PFKFB1: variants seen among roughly 807,000 people sequenced by gnomAD.
PFKFB1 encodes 6-phosphofructo-2-kinase/fructose-2,6-biphosphatase 1, also known as 6-phosphofructo-2-kinase/fructose-2,6-bisphosphatase 1.
A neutral mutation model predicts 46.4 loss-of-function variants in PFKFB1; 34 were observed. The ratio of observed to expected loss-of-function variants is 0.73; its 90% CI spans 0.56 to 0.98. PFKFB1 has a LOEUF of 0.98. PFKFB1 is among the 50% of genes least tolerant of loss of function. The pLI is 0.00. For missense variants in PFKFB1, 393 were observed against 376.3 expected (o/e 1.04, Z -0.37); for synonymous variants, 119 against 133.8 (o/e 0.89, Z 0.76).
At chrX:54,967,033 G>T (rs1374821164) in intron 1 of PFKFB1, among the ~76,000 whole-genome samples, 1 of 111,209 alleles carries the variant, frequency 9.0e-6, no homozygotes, top group African/African-American at 3.3e-5. Flanking sequence ...ACACATGCAG[G>T]ACAGACCTAT....
chrX:54,935,741 C>T (rs1439591958), intron 11 of PFKFB1, among the ~76,000 whole-genome samples: 2 of 111,561 alleles, frequency 1.8e-5, no homozygotes, highest in African/African-American at 3.3e-5. Context: ...GGCCAGAATG[C>T]ATGCACTGGC....
At chrX:54,962,238 C>T (rs1934336307) in intron 2 of PFKFB1, among the ~76,000 whole-genome samples, 1 of 111,819 alleles carries the variant, frequency 8.9e-6, no homozygotes, top group African/African-American at 3.3e-5. Context: ...AGCTTGCAGT[C>T]CTCCATGAGA....
intron 1 of PFKFB1, among the ~76,000 whole-genome samples, chrX:54,972,054 A>G (rs1455901157): frequency 9.0e-6 from 1 of 110,946 alleles, no homozygotes; most frequent in African/African-American, 3.3e-5. Flanking sequence ...AGTCCTTCAC[A>G]TCCCTTGTAA....
intron 1 of PFKFB1, among the ~76,000 whole-genome samples, chrX:54,973,632 C>G (rs997057560): frequency 2.5e-4 from 28 of 111,366 alleles, no homozygotes; most frequent in Admixed American, 8.6e-4. Context: ...TGTTCAGTTT[C>G]CATGTAGGTG....
chrX:54,988,180 A>G (rs1296588346), intron 1 of PFKFB1, among the ~76,000 whole-genome samples: 1 of 111,824 alleles, frequency 8.9e-6, no homozygotes, highest in Non-Finnish European at 1.9e-5. Flanking sequence ...AAAATCAATT[A>G]CATTTCTATA....
At chrX:54,989,970 G>C (rs1935200264) in intron 1 of PFKFB1, among the ~76,000 whole-genome samples, 1 of 111,483 alleles carries the variant, frequency 9.0e-6, no homozygotes, top group African/African-American at 3.3e-5. Flanking sequence ...AAATGGACTA[G>C]AAATATTCTG....
intron 13 of PFKFB1, 139 bp downstream of exon 13, chrX:54,933,682 A>G (rs1933295001): frequency 1.8e-6 from 1 of 548,520 alleles, no homozygotes; most frequent in African/African-American, 2.3e-5. Context: ...TGGTTTCTGC[A>G]TTTCTGGGTG....
intron 1 of PFKFB1, among the ~76,000 whole-genome samples, chrX:54,985,092 A>G (rs1935082911): frequency 1.8e-5 from 2 of 111,052 alleles, no homozygotes; most frequent in South Asian, 7.6e-4. Context: ...AACATAGTAC[A>G]AAGAAGCTCA....
rs192384526 is a variant in PFKFB1 at position 54,974,898 on chromosome X, A to G, written c.98-11516T>C. On this transcript the variant is annotated intron_variant, in intron 1 of 13. Coordinates refer to ENST00000375006, the MANE Select transcript of PFKFB1 (RefSeq NM_002625.4). Reference sequence around the variant, plus strand: ...TCAGGGAAATGCAAATTAAAACCACAATGAGATACCACCTTACTCCTGCAA... The same window carrying G: ...TCAGGGAAATGCAAATTAAAACCACGATGAGATACCACCTTACTCCTGCAA... 4.5e-3 allele frequency among the ~76,000 whole-genome samples: 497 copies of G among 111,671 alleles called. 11 individuals carry two copies. The highest frequency in any genetic ancestry group is 5.3e-3 in the Admixed American group (56 of 10,489).
chrX:54,961,881 A>G (rs1328435259), intron 2 of PFKFB1, among the ~76,000 whole-genome samples: 2 of 111,725 alleles, frequency 1.8e-5, no homozygotes, highest in Non-Finnish European at 1.9e-5. Flanking sequence ...CATTCCAGGT[A>G]GAGGAACAGC....
chrX:54,952,213 C>T (rs948057563), intron 7 of PFKFB1, 101 bp from the exon 8 acceptor site: 65 of 601,345 alleles, frequency 1.1e-4, no homozygotes, highest in Non-Finnish European at 1.5e-4. Flanking sequence ...CAAACCTCTT[C>T]CACAACCCAG....
chrX:54,996,434 G>C (rs1935357846), upstream of PFKFB1, among the ~76,000 whole-genome samples: 1 of 112,192 alleles, frequency 8.9e-6, no homozygotes. Flanking sequence ...TTACAATTTT[G>C]TCCTCATGGC....
At position 54,960,812 on chromosome X, in the gene PFKFB1, T is replaced by C. The variant is rs762369103; in HGVS notation, c.317+12A>G. On this transcript the variant is annotated intron_variant, in intron 3 of 13. Coordinates refer to ENST00000375006, the MANE Select transcript of PFKFB1 (RefSeq NM_002625.4). ...TGAGACAGCACAGGTTCCTAAAATA[T>C]TGGGTACTTACTTCCTGATTTGCAG... 5.4e-6 allele frequency: 6 copies of C among 1,114,621 alleles called. No individual in the cohort carries two copies. In the Admixed American group the frequency reaches 1.3e-4, roughly 25 times the overall value. The allele number at this position is 1,114,621 out of a possible 1,213,427, so 91.9% of individuals were successfully genotyped here.
intron 8 of PFKFB1, among the ~76,000 whole-genome samples, chrX:54,951,665 G>A (rs1280058049): frequency 8.9e-6 from 1 of 112,590 alleles, no homozygotes; most frequent in East Asian, 2.8e-4. Context: ...GCTGGCTTTG[G>A]GCAGGCCTTG....
chrX:54,962,427 C>T (rs1355060734), intron 2 of PFKFB1, among the ~76,000 whole-genome samples: 2 of 112,307 alleles, frequency 1.8e-5, no homozygotes, highest in Non-Finnish European at 3.8e-5. Context: ...TCTTATACAT[C>T]CCAGCTAGAC....
At chrX:54,970,053 C>A (rs1001138906) in intron 1 of PFKFB1, among the ~76,000 whole-genome samples, 1 of 111,070 alleles carries the variant, frequency 9.0e-6, no homozygotes, top group Non-Finnish European at 1.9e-5. Flanking sequence ...GGATTACAGG[C>A]ATGTGCCACC....
intron 7 of PFKFB1, 35 bp from the exon 8 acceptor site, chrX:54,952,147 A>C: frequency 3.6e-6 from 4 of 1,101,531 alleles, no homozygotes; most frequent in Non-Finnish European, 5.0e-6. Flanking sequence ...AGGGCAGCTC[A>C]GGGGCTAATG....
chrX:54,948,999 G>C lies in PFKFB1; in HGVS notation c.993+76C>G. The C allele has an allele frequency of 5.4e-6, 6 of 1,117,744 alleles. No homozygotes were observed. The East Asian group carries it at 1.5e-4, about 28-fold the overall frequency. The allele number at this position is 1,117,744 out of a possible 1,213,427, so 92.1% of individuals were successfully genotyped here. A position where few individuals can be genotyped will look rare whatever the true frequency, so the allele number is the denominator to read the frequency against. On this transcript the variant is annotated intron_variant, in intron 9 of 13. Transcript: ENST00000375006. ...TTAATTAGGCTCCCCATAGGGGCTGGAGCAGAGGCAACCCAGGGGATAATC... is the reference window on the plus strand; with the variant it reads ...TTAATTAGGCTCCCCATAGGGGCTGCAGCAGAGGCAACCCAGGGGATAATC...
intron 10 of PFKFB1, 62 bp from the exon 11 acceptor site, chrX:54,937,786 AG>A: frequency 9.5e-7 from 1 of 1,052,825 alleles, no homozygotes; most frequent in Non-Finnish European, 1.3e-6. Context: ...CCAGAGGGGA[AG>A]AACTCTAAAC....
Sources: allele counts gnomAD v4.1 joint callset (sites outside exome capture counted in the v4.1 genomes callset), GRCh38; gene constraint gnomAD v4.1.1; transcripts MANE v1.5; gene names NCBI Gene and HGNC (gene_info 2026-07-23, HGNC 2026-07-21).